The following PDGFRA variants were observed in gnomAD, a reference collection of about 807,000 sequenced individuals.
PDGFRA encodes platelet derived growth factor receptor alpha.
PDGFRA carries 25 observed loss-of-function variants against 121.5 expected under a neutral mutation model. That is an observed-to-expected ratio of 0.21 (90% confidence interval 0.15 to 0.29). The LOEUF (loss-of-function observed/expected upper bound fraction) is 0.29. PDGFRA is among the 10% of genes least tolerant of loss of function. The pLI, the probability that PDGFRA is intolerant of heterozygous loss-of-function variation, is 1.00. For missense variants in PDGFRA, 1,008 were observed against 1,345.1 expected, an observed-to-expected ratio of 0.75 and a Z score of 3.92; for synonymous variants, 463 against 494.8, an observed-to-expected ratio of 0.94 and a Z score of 0.85.
intron 22 of PDGFRA, among the ~76,000 whole-genome samples, chr4:54,293,967 A>G (rs902661407): frequency 6.6e-6 from 1 of 150,464 alleles, no homozygotes; most frequent in African/African-American, 2.5e-5. Flanking sequence ...CCATCAGAAC[A>G]TTATTTTGGA....
intron 1 of PDGFRA, among the ~76,000 whole-genome samples, chr4:54,250,783 G>C (rs1175909809): frequency 6.6e-6 from 1 of 152,138 alleles, no homozygotes; most frequent in African/African-American, 2.4e-5. Context: ...TTGTGCCATT[G>C]GCTGGGCATG....
intron 22 of PDGFRA, among the ~76,000 whole-genome samples, chr4:54,291,011 A>T (rs965668877): frequency 2.3e-4 from 35 of 152,192 alleles, no homozygotes; most frequent in African/African-American, 8.0e-4. Flanking sequence ...TACAAGCCTC[A>T]CCCAAAACAA....
chr4:54,278,579 C>T, intron 15 of PDGFRA, 64 bp downstream of exon 15: 1 of 1,503,692 alleles, frequency 6.7e-7, no homozygotes, highest in Non-Finnish European at 9.2e-7. Flanking sequence ...TGGAAAGACC[C>T]ATGTCCTGAT....
intron 16 of PDGFRA, chr4:54,281,855 A>G (rs1439871109): frequency 2.4e-6 from 3 of 1,234,444 alleles, no homozygotes; most frequent in African/African-American, 3.0e-5. Context: ...CTCAAAGGAA[A>G]GTCATTGGCA....
At chr4:54,257,536 A>C (rs982339546) in intron 1 of PDGFRA, among the ~76,000 whole-genome samples, 3 of 152,198 alleles carry the variant, frequency 2.0e-5, no homozygotes, top group Non-Finnish European at 4.4e-5. Context: ...GGTGCATCCC[A>C]GGCCAAGACT....
chr4:54,251,345 T>C (rs1206876995), intron 1 of PDGFRA, among the ~76,000 whole-genome samples: 2 of 152,180 alleles, frequency 1.3e-5, no homozygotes, highest in East Asian at 1.9e-4. Context: ...CTTTTAACAA[T>C]TGAAAAAAGT....
At chr4:54,256,862 A>T (rs1437243977) in intron 1 of PDGFRA, among the ~76,000 whole-genome samples, 4 of 152,008 alleles carry the variant, frequency 2.6e-5, no homozygotes, top group South Asian at 2.1e-4. Flanking sequence ...ATAATTTTTT[A>T]AAAATGAGCT....
At chr4:54,270,892 C>T (rs2110280977) in intron 8 of PDGFRA, 144 bp downstream of exon 8, 1 of 685,724 alleles carries the variant, frequency 1.5e-6, no homozygotes, top group East Asian at 2.7e-5. Context: ...ATCGGGAATA[C>T]CTCTGCTGGA....
At position 54,290,505 on chromosome 4, in the gene PDGFRA, A is replaced by T. The variant is rs1553906669; in HGVS notation, c.3073A>T (p.Ile1025Phe). 2.5e-6 allele frequency: 4 copies of T among 1,614,034 alleles called. 1 individual carries two copies. The South Asian group carries it at 4.4e-5, about 18-fold the overall frequency. ...TGGCTACATCATTCCTCTGCCTGAC[A>T]TTGACCCTGTCCCTGAGGAGGAGGA... ...DSGYIIPLPD[I>F]DPVPEEEDLG... is the part of the protein sequence containing the mutation. Residue 1025 changes from isoleucine to phenylalanine, a missense_variant, in exon 22 of 23, where the codon ATT (isoleucine) becomes TTT (phenylalanine). This residue lies in a region of PDGFRA where 204 missense variants were observed against 243.0 expected (regional missense o/e 0.84). Coordinates refer to ENST00000257290, the MANE Select transcript of PDGFRA (RefSeq NM_006206.6).
chr4:54,231,010 C>T (rs1275741373), intron 1 of PDGFRA, among the ~76,000 whole-genome samples: 1 of 152,210 alleles, frequency 6.6e-6, no homozygotes, highest in Non-Finnish European at 1.5e-5. Context: ...GAGCCTGGGC[C>T]GGGCCAGGTG....
chr4:54,264,855 A>T lies in PDGFRA; in HGVS notation c.629-64A>T, dbSNP rs1722944065. ...TTCTTAAAAAAAAAAAAAAAAACCC[A>T]AACTTTATAAGATCCTGGCTATCCT... On this transcript the variant is annotated intron_variant, in intron 4 of 22. Transcript: ENST00000257290. 7 of 1,450,608 alleles carry T rather than the reference A, an allele frequency of 4.8e-6. No individual in the cohort carries two copies. In the East Asian group the frequency reaches 1.6e-4, roughly 33 times the overall value. 89.9% of individuals were successfully genotyped at this position (1,450,608 alleles called of 1,614,324 possible).
At chr4:54,256,931 A>T (rs1178985637) in intron 1 of PDGFRA, among the ~76,000 whole-genome samples, 2 of 152,146 alleles carry the variant, frequency 1.3e-5, no homozygotes, top group Non-Finnish European at 2.9e-5. Flanking sequence ...GGGTCAGCTC[A>T]GGTGGGAGGA....
chr4:54,265,071 A>C lies in PDGFRA; in HGVS notation c.759+22A>C, dbSNP rs765622720. The C allele has an allele frequency of 3.1e-6, 5 of 1,612,632 alleles. No individual in the cohort carries two copies. The Admixed American group carries it at 6.7e-5, about 22-fold the overall frequency. ...AGTGGTAGGTACCCTCAAAACGTGC[A>C]ATGGCTTGGAGCAGAGCAACAGGGC... On this transcript the variant is annotated intron_variant, in intron 5 of 22. Coordinates refer to ENST00000257290, the MANE Select transcript of PDGFRA (RefSeq NM_006206.6).
At chr4:54,280,204 A>C (rs1288585945) in intron 15 of PDGFRA, 112 bp from the exon 16 acceptor site, 6 of 783,552 alleles carry the variant, frequency 7.7e-6, no homozygotes, top group South Asian at 2.9e-5. Flanking sequence ...GCTTTTACCC[A>C]GTTAGCTCCC....
Position 54,287,452 on chromosome 4 carries a change from TG to T in PDGFRA, c.2587del (p.Ala863LeufsTer13). 6.6e-7 allele frequency: 1 copy of T among 1,519,184 alleles called. No homozygotes were observed. The highest frequency in any genetic ancestry group is 9.1e-7 in the Non-Finnish European group (1 of 1,093,310). 94.1% of individuals were successfully genotyped at this position (1,519,184 alleles called of 1,614,324 possible). A position where few individuals can be genotyped will look rare whatever the true frequency, so the allele number is the denominator to read the frequency against. ...KGSTFLPVKW[M>X]APESIFDNLY... ...CAGACCTTTCTGCCCGTGAAGTGGA[TG>T]GCTCCTGAGAGCATCTTTGACAACC... On this transcript the variant is annotated frameshift_variant, in exon 19 of 23. Coordinates refer to ENST00000257290, the MANE Select transcript of PDGFRA (RefSeq NM_006206.6). LOFTEE classifies it high-confidence loss of function.
intron 2 of PDGFRA, among the ~76,000 whole-genome samples, chr4:54,259,424 A>G (rs771375657): frequency 2.6e-5 from 4 of 152,272 alleles, no homozygotes; most frequent in Non-Finnish European, 4.4e-5. Flanking sequence ...TCTAAATCTC[A>G]GAGTCACCTT....
chr4:54,248,927 C>G (rs1721872295), intron 1 of PDGFRA, among the ~76,000 whole-genome samples: 1 of 152,134 alleles, frequency 6.6e-6, no homozygotes, highest in Non-Finnish European at 1.5e-5. Flanking sequence ...AGACACTTCT[C>G]AAAAGAAGAC....
rs1724852323 is a variant in PDGFRA, at chr4:54,295,745, G to A, written c.*473G>A. 8.1e-6 allele frequency: 2 copies of A among 246,756 alleles called. No individual in the cohort carries two copies. The highest frequency in any genetic ancestry group is 8.0e-6 in the Non-Finnish European group (1 of 125,758). 15.3% of individuals were successfully genotyped at this position (246,756 alleles called of 1,614,324 possible). On this transcript the variant is annotated 3_prime_UTR_variant, in exon 23 of 23. Coordinates refer to ENST00000257290, the MANE Select transcript of PDGFRA (RefSeq NM_006206.6). ...CTCTTGAAACCTGATGTCAGCTGCTGTTGAACTTTTTAAAGAAGTGCATGA... is the reference window on the plus strand; with the variant it reads ...CTCTTGAAACCTGATGTCAGCTGCTATTGAACTTTTTAAAGAAGTGCATGA...
At chr4:54,249,018 G>A (rs369842706) in intron 1 of PDGFRA, among the ~76,000 whole-genome samples, 10 of 152,314 alleles carry the variant, frequency 6.6e-5, no homozygotes, top group Admixed American at 3.3e-4. Flanking sequence ...ACCACAATGA[G>A]ATAGCATCTC....
Sources: gnomAD v4.1 joint callset for allele counts (sites outside exome capture counted in the v4.1 genomes callset) on GRCh38, gnomAD v4.1.1 for gene constraint, gnomAD v4.1.1 regional missense constraint, MANE v1.5 for transcripts, NCBI Gene and HGNC (gene_info 2026-07-23, HGNC 2026-07-21) for gene names.